ARHGAP10: variants seen among roughly 807,000 people sequenced by gnomAD.
ARHGAP10 encodes Rho GTPase activating protein 10.
In ARHGAP10, 87 loss-of-function variants were observed where a neutral mutation model predicts 108.6. That is an observed-to-expected ratio of 0.80 (90% CI 0.67 to 0.96). The LOEUF (loss-of-function observed/expected upper bound fraction) is 0.96. Ranked by LOEUF, ARHGAP10 falls within the 40% of genes least tolerant of loss-of-function variation. The pLI is 0.00. For missense variants in ARHGAP10, 939 were observed against 954.5 expected (o/e 0.98, Z 0.21); for synonymous variants, 347 against 341.1 (o/e 1.02, Z -0.19).
intron 1 of ARHGAP10, among the ~76,000 whole-genome samples, chr4:147,733,858 TG>T (rs1312290754): frequency 6.6e-6 from 1 of 152,152 alleles, no homozygotes; most frequent in Non-Finnish European, 1.5e-5. Flanking sequence ...AAATCAGGAC[TG>T]GGACTCACTT....
chr4:148,055,507 G>A (rs1353967953), intron 20 of ARHGAP10, among the ~76,000 whole-genome samples: 1 of 152,178 alleles, frequency 6.6e-6, no homozygotes, highest in African/African-American at 2.4e-5. Context: ...TGGCCAACAT[G>A]GTGAAACCCT....
chr4:147,906,702 C>G lies in ARHGAP10; in HGVS notation c.1099C>G (p.Leu367Val), dbSNP rs763938835. Residue 367 changes from leucine (L) to valine (V), a missense_variant, in exon 11 of 23, where the codon CTG (leucine) becomes GTG (valine). Transcript: ENST00000336498. ...GGAAAGGAAGCAGTGGTTGGAAGCT[C>G]TGGGTGGAAAGGAAGCTGTAAGAAT... ...EEERKQWLEA[L>V]GGKEALSHSF... 1 of 1,614,100 alleles carries G rather than the reference C, an allele frequency of 6.2e-7. No individual in the cohort carries two copies. Among genetic ancestry groups the G allele is most frequent in the Non-Finnish European group, 8.5e-7 (1 of 1,180,008 alleles).
At chr4:147,904,107 T>G (rs1329503354) in intron 10 of ARHGAP10, among the ~76,000 whole-genome samples, 1 of 152,216 alleles carries the variant, frequency 6.6e-6, no homozygotes, top group Non-Finnish European at 1.5e-5. Context: ...CTCCACATCC[T>G]CTTCAACATT....
chr4:147,805,669 G>A (rs1480549021), intron 1 of ARHGAP10, among the ~76,000 whole-genome samples: 2 of 151,984 alleles, frequency 1.3e-5, no homozygotes, highest in African/African-American at 2.4e-5. Context: ...TTTAAATTAG[G>A]CCAGGCATAG....
intron 9 of ARHGAP10, among the ~76,000 whole-genome samples, chr4:147,879,866 C>T (rs910575712): frequency 6.6e-6 from 1 of 152,208 alleles, no homozygotes; most frequent in South Asian, 2.1e-4. Context: ...AAAGGTAACA[C>T]TGACAGCAAG....
At chr4:147,811,888 A>C (rs1345447325) in intron 1 of ARHGAP10, among the ~76,000 whole-genome samples, 1 of 152,234 alleles carries the variant, frequency 6.6e-6, no homozygotes. Flanking sequence ...CTTTTGGAGC[A>C]GAAAGTGGGC....
intron 1 of ARHGAP10, among the ~76,000 whole-genome samples, chr4:147,791,464 C>T (rs1447180416): frequency 1.3e-5 from 2 of 152,138 alleles, no homozygotes; most frequent in African/African-American, 4.8e-5. Context: ...CTTTTTGCTA[C>T]ATTCTGTAGT....
chr4:148,048,199 C>A (rs1275791959), intron 20 of ARHGAP10, among the ~76,000 whole-genome samples: 1 of 152,186 alleles, frequency 6.6e-6, no homozygotes, highest in Non-Finnish European at 1.5e-5. Flanking sequence ...TGTCATCTGA[C>A]CCTAGCTGGG....
intron 18 of ARHGAP10, among the ~76,000 whole-genome samples, chr4:148,022,590 G>A (rs1741609054): frequency 6.6e-6 from 1 of 152,180 alleles, no homozygotes; most frequent in Non-Finnish European, 1.5e-5. Context: ...AATTTGCTAA[G>A]CAAAGGAGCA....
At chr4:147,784,548 A>G (rs1730730662) in intron 1 of ARHGAP10, among the ~76,000 whole-genome samples, 1 of 117,200 alleles carries the variant, frequency 8.5e-6, no homozygotes, top group Non-Finnish European at 1.6e-5. Flanking sequence ...ATTTTATAGT[A>G]TATATTATAT....
chr4:147,912,778 T>C (rs1203682217), intron 12 of ARHGAP10, among the ~76,000 whole-genome samples: 1 of 147,456 alleles, frequency 6.8e-6, no homozygotes, highest in South Asian at 2.2e-4. Flanking sequence ...CCTGAGCAGC[T>C]GGGACTACAG....
At chr4:148,000,262 T>G (rs1040755724) in intron 18 of ARHGAP10, among the ~76,000 whole-genome samples, 2 of 152,218 alleles carry the variant, frequency 1.3e-5, no homozygotes, top group African/African-American at 4.8e-5. Context: ...TGAACTCATC[T>G]TTTTGATGGC....
At chr4:147,890,284 C>T (rs955818866) in intron 10 of ARHGAP10, among the ~76,000 whole-genome samples, 2 of 60,070 alleles carry the variant, frequency 3.3e-5, no homozygotes, top group Non-Finnish European at 9.8e-5. Flanking sequence ...CTCAGCTAGC[C>T]ATTACTACTT....
chr4:147,871,019 G>T (rs1734800591), intron 7 of ARHGAP10, among the ~76,000 whole-genome samples: 1 of 150,666 alleles, frequency 6.6e-6, no homozygotes, highest in South Asian at 2.1e-4. Context: ...GAGTGCTGTG[G>T]CCCAGTCTCG....
At chr4:147,788,266 G>A (rs754965751) in intron 1 of ARHGAP10, among the ~76,000 whole-genome samples, 17 of 152,016 alleles carry the variant, frequency 1.1e-4, no homozygotes, top group Non-Finnish European at 1.9e-4. Context: ...CCAACATGGT[G>A]AAACCCTGTC....
At chr4:147,939,352 T>G (rs1438135691) in intron 13 of ARHGAP10, among the ~76,000 whole-genome samples, 1 of 152,202 alleles carries the variant, frequency 6.6e-6, no homozygotes, top group Non-Finnish European at 1.5e-5. Context: ...TGTAACAACT[T>G]TAAAAAAAAT....
chr4:147,839,112 CTA>C (rs1733299297), intron 3 of ARHGAP10, among the ~76,000 whole-genome samples: 1 of 143,762 alleles, frequency 7.0e-6, no homozygotes, highest in African/African-American at 2.5e-5. Flanking sequence ...ATCTATCTAT[CTA>C]TCTATCTATC....
At chr4:147,824,375 C>G (rs1232717111) in intron 3 of ARHGAP10, among the ~76,000 whole-genome samples, 7 of 151,690 alleles carry the variant, frequency 4.6e-5, no homozygotes, top group Admixed American at 3.3e-4. Flanking sequence ...TGAGTACTAT[C>G]TAGAATTACG....
At chr4:148,038,917 T>G (rs1202345116) in intron 19 of ARHGAP10, among the ~76,000 whole-genome samples, 1 of 152,356 alleles carries the variant, frequency 6.6e-6, no homozygotes, top group East Asian at 1.9e-4. Flanking sequence ...CAGTTTTTTT[T>G]GTTTCTAAAG....
Sources: gnomAD v4.1 joint callset for allele counts (sites outside exome capture counted in the v4.1 genomes callset) on GRCh38, gnomAD v4.1.1 for gene constraint, MANE v1.5 for transcripts, NCBI Gene and HGNC (gene_info 2026-07-23, HGNC 2026-07-21) for gene names.